The following AMBRA1 variants were observed in gnomAD, a reference collection of about 807,000 sequenced individuals.
AMBRA1 encodes autophagy and beclin 1 regulator 1, also known as activating molecule in BECN1-regulated autophagy protein 1.
A neutral mutation model predicts 125.4 loss-of-function variants in AMBRA1; 47 were observed. The observed-to-expected ratio is 0.37, with a 90% CI of 0.30 to 0.48. AMBRA1 has a LOEUF of 0.48. AMBRA1 is among the 20% of genes least tolerant of loss of function. AMBRA1 has a pLI of 0.99. For synonymous variants in AMBRA1, 626 were observed against 655.5 expected (o/e 0.95, Z 0.69); for missense variants, 1,331 against 1,693.4 (o/e 0.79, Z 3.76).
At chr11:46,538,074 TTAGA>T (rs983483275) in intron 7 of AMBRA1, among the ~76,000 whole-genome samples, 98 of 152,274 alleles carry the variant, frequency 6.4e-4, no homozygotes, top group African/African-American at 2.3e-3. Context: ...TTCAGCCCCT[TTAGA>T]AGGCAGAGGA....
intron 11 of AMBRA1, chr11:46,451,980 G>A (rs1948621014): frequency 6.6e-6 from 1 of 152,102 alleles, no homozygotes; most frequent in African/African-American, 2.4e-5. Flanking sequence ...GACTGCTGAT[G>A]TGTATGGGGT....
At chr11:46,477,886 G>T (rs957261479) in intron 11 of AMBRA1, among the ~76,000 whole-genome samples, 3 of 151,968 alleles carry the variant, frequency 2.0e-5, no homozygotes, top group Non-Finnish European at 4.4e-5. Context: ...GACCAGCCTG[G>T]TCAACATGGC....
intron 1 of AMBRA1, among the ~76,000 whole-genome samples, chr11:46,569,148 T>G (rs1191884098): frequency 6.8e-6 from 1 of 147,512 alleles, no homozygotes; most frequent in Non-Finnish European, 1.5e-5. Flanking sequence ...TCATACTTCA[T>G]ACAAACATGT....
chr11:46,542,973 G>A lies in AMBRA1; in HGVS notation c.1044C>T (p.Pro348=). 6.2e-7 allele frequency: 1 copy of A among 1,604,262 alleles called. No homozygotes were observed. The highest frequency in any genetic ancestry group is 8.5e-7 in the Non-Finnish European group (1 of 1,179,966). ...ACGAGGCCTGCTCCGGGGGATGGAA[G>A]GGCTCGGTCTGTACAAAAGAAAAGG... ...TPSFSFVQTE[P]FHPPEQASST... is the part of the protein sequence containing the mutation. Residue 348 remains proline (P), a synonymous_variant, in exon 7 of 18, where the codon CCC becomes CCT. Transcript: ENST00000683756. This position sits in a 1 kb window ranked among gnomAD's most constrained non-coding sequence, Gnocchi z 5.9.
chr11:46,554,826 CA>C (rs2043116376), intron 1 of AMBRA1, among the ~76,000 whole-genome samples: 1 of 152,148 alleles, frequency 6.6e-6, no homozygotes, highest in Admixed American at 6.5e-5. Flanking sequence ...CAGACTGAGA[CA>C]AAGGTTACCA....
At chr11:46,464,397 A>C (rs558942450) in intron 11 of AMBRA1, among the ~76,000 whole-genome samples, 1 of 152,296 alleles carries the variant, frequency 6.6e-6, no homozygotes, top group South Asian at 2.1e-4. Flanking sequence ...CCCTGGATTT[A>C]ATAATTCACT....
intron 1 of AMBRA1, among the ~76,000 whole-genome samples, chr11:46,591,667 C>G (rs1015627935): frequency 1.3e-5 from 2 of 151,750 alleles, no homozygotes; most frequent in Non-Finnish European, 2.9e-5. Context: ...CCAGCCTGGC[C>G]GAGATGGTAA....
chr11:46,407,920 A>C (rs1470186030), intron 17 of AMBRA1, among the ~76,000 whole-genome samples: 1 of 152,190 alleles, frequency 6.6e-6, no homozygotes, highest in East Asian at 1.9e-4. Flanking sequence ...CGGACTCCTA[A>C]GTGGCTCGAA....
chr11:46,428,604 A>C, intron 14 of AMBRA1: 4 of 1,361,216 alleles, frequency 2.9e-6, no homozygotes, highest in Non-Finnish European at 4.1e-6. Context: ...TTTTTTTTTA[A>C]GGTTTTTTGG....
chr11:46,444,857 C>A (rs1948199918), intron 11 of AMBRA1, among the ~76,000 whole-genome samples: 1 of 152,176 alleles, frequency 6.6e-6, no homozygotes, highest in African/African-American at 2.4e-5. Context: ...TCTCTGCACT[C>A]TTCCGGTTGC....
chr11:46,420,299 G>A (rs1225079478), intron 14 of AMBRA1, among the ~76,000 whole-genome samples: 1 of 152,148 alleles, frequency 6.6e-6, no homozygotes, highest in Non-Finnish European at 1.5e-5. Flanking sequence ...TGAAGTTAAT[G>A]AATTTCTCTC....
rs1009332664 is a variant in AMBRA1 at position 46,508,377 on chromosome 11, G to C, written c.2160-7C>G. On this transcript the variant is annotated splice_polypyrimidine_tract_variant and splice_region_variant and intron_variant, in intron 8 of 17. Coordinates refer to ENST00000683756, the MANE Select transcript of AMBRA1 (RefSeq NM_001387011.1). ...GTATGCAGCAGGAGATAATCTGAGA[G>C]AGACAGAGATGGACAAACACAAACT... The C allele has an allele frequency of 5.0e-6, 8 of 1,612,816 alleles. No individual in the cohort carries two copies. Among genetic ancestry groups the C allele is most frequent in the Non-Finnish European group, 4.2e-6 (5 of 1,179,002 alleles).
intron 7 of AMBRA1, among the ~76,000 whole-genome samples, chr11:46,534,656 G>A (rs1281931737): frequency 6.6e-6 from 1 of 152,076 alleles, no homozygotes; most frequent in Non-Finnish European, 1.5e-5. Context: ...AGCAGTCCTT[G>A]TGCATACTCC....
chr11:46,482,392 A>G (rs768831488), intron 11 of AMBRA1, among the ~76,000 whole-genome samples: 90 of 152,360 alleles, frequency 5.9e-4, no homozygotes, highest in Non-Finnish European at 7.6e-4. Flanking sequence ...TCCAACGGAA[A>G]CCGTAAAAGA....
At chr11:46,582,193 T>C (rs1261086845) in intron 1 of AMBRA1, among the ~76,000 whole-genome samples, 1 of 151,816 alleles carries the variant, frequency 6.6e-6, no homozygotes, top group African/African-American at 2.4e-5. Context: ...CTTTCCTCCA[T>C]CCCCTACTGT....
chr11:46,464,865 T>C (rs1291097981), intron 11 of AMBRA1, among the ~76,000 whole-genome samples: 3 of 151,348 alleles, frequency 2.0e-5, no homozygotes, highest in Admixed American at 6.6e-5. Flanking sequence ...GCCAACAGGG[T>C]GAAACCCCGT....
intron 14 of AMBRA1, among the ~76,000 whole-genome samples, chr11:46,424,639 G>A (rs1947024295): frequency 6.6e-6 from 1 of 152,148 alleles, no homozygotes; most frequent in African/African-American, 2.4e-5. Context: ...CTGGCACCAG[G>A]AGTTCAAGAC....
In AMBRA1 at chr11:46,493,684, C is replaced by A; in HGVS notation, c.2445G>T (p.Leu815Phe). The A allele has an allele frequency of 6.2e-7, 1 of 1,600,306 alleles. No homozygotes were observed. Among genetic ancestry groups the A allele is most frequent in the South Asian group, 1.1e-5 (1 of 87,892 alleles). ...GTTCATGAAAAATCCCAGCATAAGGCAAGTACTCAGGCAGCAAGAAACGCC... is the reference window on the plus strand; with the variant it reads ...GTTCATGAAAAATCCCAGCATAAGGAAAGTACTCAGGCAGCAAGAAACGCC... ...VPRRFLLPEYLPYAGIFHERG... is the reference protein window; with the variant it reads ...VPRRFLLPEYFPYAGIFHERG... Residue 815 changes from leucine to phenylalanine, a missense_variant, in exon 11 of 18, where the codon TTG (leucine) becomes TTT (phenylalanine). Coordinates refer to ENST00000683756, the MANE Select transcript of AMBRA1 (RefSeq NM_001387011.1).
intron 14 of AMBRA1, among the ~76,000 whole-genome samples, chr11:46,423,454 C>T (rs1225898398): frequency 2.6e-5 from 4 of 151,956 alleles, no homozygotes; most frequent in African/African-American, 7.3e-5. Context: ...TGCAGTGGTG[C>T]GATCTTGGTT....
Sources: allele counts gnomAD v4.1 joint callset (sites outside exome capture counted in the v4.1 genomes callset), GRCh38; gene constraint gnomAD v4.1.1; non-coding constraint Gnocchi (gnomAD v3.1); transcripts MANE v1.5; gene names NCBI Gene and HGNC (gene_info 2026-07-23, HGNC 2026-07-21).